The following RABGAP1L variants were observed in gnomAD, a reference collection of about 807,000 sequenced individuals.
RABGAP1L encodes RAB GTPase activating protein 1 like, also known as rab GTPase-activating protein 1-like.
A neutral mutation model predicts 137.7 loss-of-function variants in RABGAP1L; 63 were observed. The ratio of observed to expected loss-of-function variants is 0.46; its 90% CI spans 0.37 to 0.56. The LOEUF is 0.56. Ranked by LOEUF, RABGAP1L falls within the 20% of genes least tolerant of loss-of-function variation. The pLI is 0.00. For missense variants in RABGAP1L, 1,095 were observed against 1,244.0 expected (o/e 0.88, Z 1.80); for synonymous variants, 431 against 433.7 (o/e 0.99, Z 0.08).
chr1:174,288,586 G>A (rs1262981979), intron 10 of RABGAP1L, among the ~76,000 whole-genome samples: 1 of 151,990 alleles, frequency 6.6e-6, no homozygotes, highest in Non-Finnish European at 1.5e-5. Flanking sequence ...GTCTTACAAG[G>A]GCTCTTTTGT....
At chr1:174,549,291 G>A (rs1448605255) in intron 13 of RABGAP1L, among the ~76,000 whole-genome samples, 2 of 152,134 alleles carry the variant, frequency 1.3e-5, no homozygotes, top group African/African-American at 4.8e-5. Context: ...CTCCAGGGTA[G>A]AGTATTGTTT....
chr1:174,259,891 G>C (rs1435925800), intron 7 of RABGAP1L, among the ~76,000 whole-genome samples: 6 of 150,802 alleles, frequency 4.0e-5, no homozygotes, highest in Non-Finnish European at 5.9e-5. Context: ...CTGGAGTGCA[G>C]TGGTGTGATC....
At chr1:174,427,290 T>A (rs1652078394) in intron 13 of RABGAP1L, among the ~76,000 whole-genome samples, 1 of 152,062 alleles carries the variant, frequency 6.6e-6, no homozygotes, top group Admixed American at 6.6e-5. Context: ...AACTTCGATC[T>A]TCTAATTCAG....
At chr1:174,985,730 A>G (rs184585424) in intron 24 of RABGAP1L, among the ~76,000 whole-genome samples, 1 of 152,338 alleles carries the variant, frequency 6.6e-6, no homozygotes, top group Admixed American at 6.5e-5. Context: ...CTGTGTATCA[A>G]TGCAGAATTA....
At chr1:174,786,101 AGAG>A (rs1177968330) in intron 18 of RABGAP1L, among the ~76,000 whole-genome samples, 2 of 152,228 alleles carry the variant, frequency 1.3e-5, no homozygotes, top group Admixed American at 1.3e-4. Flanking sequence ...AATAACTTGT[AGAG>A]GAGGAGTGTG....
At position 174,851,575 on chromosome 1, in the gene RABGAP1L, A is replaced by G. The variant is rs554880445; in HGVS notation, c.2340+39615A>G. The stretch of plus-strand genomic sequence containing the variant: ...CTTGCTCTGTCGCCCATGCTGGAGT[A>G]CAATCACCACTTACTGCAACCTTGA... On this transcript the variant is annotated intron_variant, in intron 19 of 25. Transcript: ENST00000681986. Among the ~76,000 whole-genome samples, 5 of 152,012 alleles carry G rather than the reference A, an allele frequency of 3.3e-5. No homozygotes were observed. The South Asian group carries it at 8.3e-4, about 25-fold the overall frequency.
chr1:174,853,228 GTTT>G (rs77745358), intron 19 of RABGAP1L, among the ~76,000 whole-genome samples: 2 of 138,830 alleles, frequency 1.4e-5, no homozygotes, highest in Admixed American at 7.2e-5. Flanking sequence ...AGGCTGGGTT[GTTT>G]TTTTTTTTTT....
chr1:174,729,863 T>C (rs1682314260), intron 17 of RABGAP1L, among the ~76,000 whole-genome samples: 1 of 152,196 alleles, frequency 6.6e-6, no homozygotes, highest in South Asian at 2.1e-4. Context: ...ACTTATACAC[T>C]GTTGGTGGGA....
chr1:174,298,065 G>T (rs752134378), intron 10 of RABGAP1L, among the ~76,000 whole-genome samples: 5 of 152,164 alleles, frequency 3.3e-5, no homozygotes, highest in Non-Finnish European at 7.4e-5. Flanking sequence ...AAAAGAGGGT[G>T]CCTTTTAAAG....
chr1:174,624,168 A>G (rs991917343), intron 13 of RABGAP1L, among the ~76,000 whole-genome samples: 4 of 152,064 alleles, frequency 2.6e-5, no homozygotes, highest in Non-Finnish European at 4.4e-5. Flanking sequence ...CCTGCTTTGG[A>G]GGGTTTGTTT....
intron 13 of RABGAP1L, among the ~76,000 whole-genome samples, chr1:174,612,515 C>T (rs1671358441): frequency 6.6e-6 from 1 of 152,104 alleles, no homozygotes; most frequent in African/African-American, 2.4e-5. Flanking sequence ...GTCTAAAATT[C>T]TCTTTTTTGG....
intron 11 of RABGAP1L, among the ~76,000 whole-genome samples, chr1:174,326,527 T>G (rs994262857): frequency 6.6e-6 from 1 of 151,962 alleles, no homozygotes; most frequent in Non-Finnish European, 1.5e-5. Context: ...AAAAGTGGAA[T>G]TAGAAGGTAT....
At chr1:174,367,156 G>C (rs1325574754) in intron 11 of RABGAP1L, 2 of 152,736 alleles carry the variant, frequency 1.3e-5, no homozygotes, top group African/African-American at 4.8e-5. Flanking sequence ...GTGGCTGTTT[G>C]TTTTCTCAGG....
At chr1:174,689,962 TC>T (rs1214456571) in intron 15 of RABGAP1L, among the ~76,000 whole-genome samples, 1 of 152,204 alleles carries the variant, frequency 6.6e-6, no homozygotes, top group African/African-American at 2.4e-5. Context: ...GTCCTATACT[TC>T]CAAATCACTT....
Position 174,394,287 on chromosome 1 carries a change from G to A in RABGAP1L, c.1710+142G>A, listed in dbSNP as rs902552456. The A allele has an allele frequency of 1.5e-4, 141 of 919,926 alleles. 1 individual carries two copies. In the Middle Eastern group the frequency reaches 2.1e-3, roughly 13 times the overall value. 57.0% of individuals were successfully genotyped at this position (919,926 alleles called of 1,614,324 possible). ...CGTGAAGTCAGTACTTCTACCTTTT[G>A]TTCTGAACACTTGTAGTGGTAAACA... is the stretch of plus-strand genomic sequence containing the variant. On this transcript the variant is annotated intron_variant, in intron 13 of 25. Coordinates refer to ENST00000681986, the MANE Select transcript of RABGAP1L (RefSeq NM_001366446.1).
chr1:174,398,167 A>G (rs1480326065), intron 13 of RABGAP1L, among the ~76,000 whole-genome samples: 1 of 152,170 alleles, frequency 6.6e-6, no homozygotes, highest in Non-Finnish European at 1.5e-5. Context: ...GAATATTGCC[A>G]ATCAGGAAGC....
At chr1:174,778,680 C>T (rs1345673338) in intron 18 of RABGAP1L, among the ~76,000 whole-genome samples, 1 of 151,936 alleles carries the variant, frequency 6.6e-6, no homozygotes, top group Non-Finnish European at 1.5e-5. Context: ...CTGCAATCTC[C>T]ACCTCCTGGG....
At chr1:174,511,635 T>C (rs1202900949) in intron 13 of RABGAP1L, among the ~76,000 whole-genome samples, 1 of 151,850 alleles carries the variant, frequency 6.6e-6, no homozygotes, top group Non-Finnish European at 1.5e-5. Flanking sequence ...TGTTTTTTTT[T>C]TTTTGAGATG....
At chr1:174,403,523 C>T (rs1648893300) in intron 13 of RABGAP1L, among the ~76,000 whole-genome samples, 1 of 152,010 alleles carries the variant, frequency 6.6e-6, no homozygotes, top group South Asian at 2.1e-4. Context: ...GTAGTATCTA[C>T]CGGGATTTTT....
Sources: gnomAD v4.1 joint callset for allele counts (sites outside exome capture counted in the v4.1 genomes callset) on GRCh38, gnomAD v4.1.1 for gene constraint, MANE v1.5 for transcripts, NCBI Gene and HGNC (gene_info 2026-07-23, HGNC 2026-07-21) for gene names.